CDK14: variants seen among roughly 807,000 people sequenced by gnomAD.
The protein encoded by CDK14 is cyclin-dependent kinase 14.
In CDK14, 34 loss-of-function variants were observed where a neutral mutation model predicts 60.7. The ratio of observed to expected loss-of-function variants is 0.56; its 90% CI spans 0.43 to 0.75. CDK14 has a LOEUF of 0.75. Among genes scored for constraint, CDK14 ranks in the 30% least tolerant of loss-of-function variants. CDK14 has a pLI of 0.00. For synonymous variants in CDK14, 197 were observed against 203.7 expected (o/e 0.97, Z 0.28); for missense variants, 482 against 564.1 (o/e 0.85, Z 1.47).
chr7:91,163,716 A>G (rs960098362), intron 14 of CDK14, among the ~76,000 whole-genome samples: 4 of 152,168 alleles, frequency 2.6e-5, no homozygotes, highest in African/African-American at 7.2e-5. Context: ...TCTCTTGTCC[A>G]GTTGAAACTT....
At chr7:90,833,932 A>G (rs1203448048) in intron 5 of CDK14, among the ~76,000 whole-genome samples, 1 of 152,188 alleles carries the variant, frequency 6.6e-6, no homozygotes, top group Non-Finnish European at 1.5e-5. Flanking sequence ...TAAACTTTGG[A>G]TATTTCATAG....
intron 14 of CDK14, among the ~76,000 whole-genome samples, chr7:91,151,659 T>C (rs1343381974): frequency 6.6e-6 from 1 of 152,214 alleles, no homozygotes; most frequent in Non-Finnish European, 1.5e-5. Context: ...GGTCCACATT[T>C]GGTTCTAAAA....
intron 2 of CDK14, among the ~76,000 whole-genome samples, chr7:90,701,802 C>T (rs1455973925): frequency 6.6e-6 from 1 of 152,176 alleles, no homozygotes; most frequent in Admixed American, 6.5e-5. Flanking sequence ...AGGCATCCAG[C>T]AGAGCTAGCA....
rs932557478 is a variant in CDK14, at chr7:91,010,843, C to T, written c.1041+26602C>T. ...TTCCTTCCTTCCTTCCTCCCTCCCT[C>T]CCTCCCTCCCTCCCTCCCTCCCTCT... On this transcript the variant is annotated intron_variant, in intron 10 of 14. Transcript: ENST00000380050. Among the ~76,000 whole-genome samples, 237 of 95,164 alleles carry T rather than the reference C, an allele frequency of 2.5e-3. 1 individual carries two copies. The highest frequency in any genetic ancestry group is 0.023 in the Middle Eastern group (5 of 216). The allele number at this position is 95,164 out of a possible 152,430, so 62.4% of individuals were successfully genotyped here.
At chr7:91,147,851 T>C (rs1562924798) in intron 14 of CDK14, among the ~76,000 whole-genome samples, 2 of 152,340 alleles carry the variant, frequency 1.3e-5, no homozygotes, top group Middle Eastern at 3.4e-3. Context: ...TTTTTGTCTT[T>C]GTTTCTAATT....
chr7:90,886,152 CAT>C (rs1263013881), intron 6 of CDK14, among the ~76,000 whole-genome samples: 3 of 152,116 alleles, frequency 2.0e-5, no homozygotes, highest in African/African-American at 4.8e-5. Flanking sequence ...TTAAAAACCA[CAT>C]GTTTTCTCTA....
chr7:90,693,124 A>G (rs1439813661), intron 2 of CDK14, among the ~76,000 whole-genome samples: 2 of 152,114 alleles, frequency 1.3e-5, no homozygotes, highest in African/African-American at 4.8e-5. Context: ...GATTTTATAC[A>G]TATTTGCTTT....
intron 7 of CDK14, 76 bp downstream of exon 7, chr7:90,899,429 CCATAA>C (rs1463108000): frequency 1.6e-5 from 17 of 1,090,692 alleles, no homozygotes; most frequent in Admixed American, 6.3e-5. Flanking sequence ...AGCATCTCTA[CCATAA>C]CATATTTAAA....
intron 8 of CDK14, among the ~76,000 whole-genome samples, chr7:90,951,190 T>A (rs1794250148): frequency 6.6e-6 from 1 of 152,168 alleles, no homozygotes; most frequent in Non-Finnish European, 1.5e-5. Flanking sequence ...ATTTTATGTC[T>A]GTTTGGAGTC....
chr7:91,107,680 A>G (rs371248633), intron 12 of CDK14: 1 of 152,240 alleles, frequency 6.6e-6, no homozygotes, highest in African/African-American at 2.4e-5. Context: ...TCGTAAGACA[A>G]AAGTGAAATG....
chr7:90,923,195 C>T (rs575182939), intron 8 of CDK14, among the ~76,000 whole-genome samples: 9 of 151,180 alleles, frequency 6.0e-5, no homozygotes, highest in South Asian at 2.1e-4. Context: ...CTGCAAGCTC[C>T]GCCTCCCGGG....
At chr7:90,888,455 A>C (rs1792019669) in intron 6 of CDK14, among the ~76,000 whole-genome samples, 1 of 152,168 alleles carries the variant, frequency 6.6e-6, no homozygotes, top group South Asian at 2.1e-4. Context: ...ATTATTTTTT[A>C]AAAGACTCTA....
At chr7:90,908,541 C>T (rs1352365535) in intron 7 of CDK14, among the ~76,000 whole-genome samples, 1 of 152,132 alleles carries the variant, frequency 6.6e-6, no homozygotes, top group Non-Finnish European at 1.5e-5. Context: ...AAACACCCTC[C>T]TGGGCTTTAC....
chr7:90,900,597 G>T (rs1260188035), intron 7 of CDK14, among the ~76,000 whole-genome samples: 1 of 152,030 alleles, frequency 6.6e-6, no homozygotes, highest in Non-Finnish European at 1.5e-5. Flanking sequence ...GAAATCAATA[G>T]TACAATACAT....
chr7:90,949,166 ATG>A (rs775196294), intron 8 of CDK14, among the ~76,000 whole-genome samples: 12 of 151,926 alleles, frequency 7.9e-5, no homozygotes, highest in East Asian at 3.9e-4. Context: ...AATTATATAT[ATG>A]TGTGTGTGTG....
At chr7:90,655,846 A>G (rs550264521) in intron 2 of CDK14, among the ~76,000 whole-genome samples, 77 of 152,318 alleles carry the variant, frequency 5.1e-4, no homozygotes, top group African/African-American at 1.7e-3. Context: ...ACTTTGACTC[A>G]TGCTGAAACA....
intron 14 of CDK14, among the ~76,000 whole-genome samples, chr7:91,149,313 G>A (rs115063831): frequency 0.018 from 2,637 of 149,008 alleles, 70 homozygotes; most frequent in African/African-American, 0.06. Context: ...CTTTCAGCAC[G>A]TTACAGCCTA....
intron 4 of CDK14, among the ~76,000 whole-genome samples, chr7:90,787,080 A>G (rs1423215199): frequency 6.6e-6 from 1 of 152,184 alleles, no homozygotes; most frequent in Non-Finnish European, 1.5e-5. Context: ...GAGACTCAGT[A>G]GTTGTTGAGT....
At chr7:90,908,268 G>C (rs1792776986) in intron 7 of CDK14, among the ~76,000 whole-genome samples, 1 of 152,106 alleles carries the variant, frequency 6.6e-6, no homozygotes, top group African/African-American at 2.4e-5. Context: ...TTCTGGTTAA[G>C]ATATGGGGTC....
Sources: gnomAD v4.1 joint callset for allele counts (sites outside exome capture counted in the v4.1 genomes callset) on GRCh38, gnomAD v4.1.1 for gene constraint, MANE v1.5 for transcripts, NCBI Gene and HGNC (gene_info 2026-07-23, HGNC 2026-07-21) for gene names.